The following FAM110B variants were observed in gnomAD, a reference collection of about 807,000 sequenced individuals.
The protein encoded by FAM110B is family with sequence similarity 110 member B.
Under a neutral mutation model 20.4 loss-of-function variants are expected in FAM110B, and 6 were observed. The ratio of observed to expected loss-of-function variants is 0.29; its 90% CI spans 0.16 to 0.58. The LOEUF (loss-of-function observed/expected upper bound fraction) is 0.58, where lower values mean the gene tolerates loss of function less well. Ranked by LOEUF, FAM110B falls within the 20% of genes least tolerant of loss-of-function variation. FAM110B has a pLI of 0.90. For missense variants in FAM110B, 434 were observed against 498.2 expected (o/e 0.87, Z 1.23); for synonymous variants, 226 against 214.1 (o/e 1.06, Z -0.49).
At chr8:58,143,672 T>G (rs1463212481) in intron 3 of FAM110B, among the ~76,000 whole-genome samples, 2 of 152,224 alleles carry the variant, frequency 1.3e-5, no homozygotes, top group East Asian at 3.9e-4. Flanking sequence ...TCCTCACTCT[T>G]GTGAATCGAC....
intron 3 of FAM110B, among the ~76,000 whole-genome samples, chr8:58,089,348 C>G (rs1042275541): frequency 3.9e-5 from 6 of 152,168 alleles, no homozygotes; most frequent in Non-Finnish European, 8.8e-5. Context: ...GTGCTTAAAA[C>G]AAATGGTGTC....
intron 2 of FAM110B, among the ~76,000 whole-genome samples, chr8:58,055,581 G>C (rs991853323): frequency 7.2e-5 from 11 of 152,188 alleles, no homozygotes; most frequent in African/African-American, 2.4e-4. Flanking sequence ...GTTTTTCAAA[G>C]CATGGCATTC....
intron 1 of FAM110B, among the ~76,000 whole-genome samples, chr8:58,017,666 A>T (rs1444294509): frequency 6.6e-6 from 1 of 152,252 alleles, no homozygotes; most frequent in African/African-American, 2.4e-5. Flanking sequence ...CTCTTAGAAG[A>T]TGTTTTCAAA....
chr8:58,016,434 A>T (rs1430297258), intron 1 of FAM110B, among the ~76,000 whole-genome samples: 1 of 152,180 alleles, frequency 6.6e-6, no homozygotes, highest in South Asian at 2.1e-4. Context: ...CAGAGCCTGG[A>T]GGCTCCAGCA....
At chr8:58,144,212 C>T (rs1803804791) in intron 3 of FAM110B, among the ~76,000 whole-genome samples, 1 of 152,100 alleles carries the variant, frequency 6.6e-6, no homozygotes, top group South Asian at 2.1e-4. Context: ...TCAGCCCTCT[C>T]CCAAGGGTCC....
intron 2 of FAM110B, among the ~76,000 whole-genome samples, chr8:58,053,459 T>A (rs1359956661): frequency 1.1e-4 from 16 of 152,034 alleles, no homozygotes; most frequent in Admixed American, 1.0e-3. Flanking sequence ...TGTGGTGGGG[T>A]CACGTTTAGG....
chr8:58,025,981 T>C (rs943708320), intron 1 of FAM110B, among the ~76,000 whole-genome samples: 2 of 152,188 alleles, frequency 1.3e-5, no homozygotes, highest in African/African-American at 4.8e-5. Context: ...TCATGCATCA[T>C]CTTAGGGACT....
At chr8:58,110,516 T>C (rs1416909724) in intron 3 of FAM110B, among the ~76,000 whole-genome samples, 1 of 152,224 alleles carries the variant, frequency 6.6e-6, no homozygotes, top group Non-Finnish European at 1.5e-5. Context: ...TTATATATAG[T>C]GAAATCTAAT....
chr8:58,082,839 TTTTTTTTG>T (rs1806232400), intron 3 of FAM110B, among the ~76,000 whole-genome samples: 1 of 130,086 alleles, frequency 7.7e-6, no homozygotes, highest in African/African-American at 4.6e-5. Flanking sequence ...CCATTTTTGT[TTTTTTTTG>T]TTTTTTTTTT....
At chr8:58,005,880 A>G (rs769622595) in intron 1 of FAM110B, among the ~76,000 whole-genome samples, 50 of 152,238 alleles carry the variant, frequency 3.3e-4, no homozygotes, top group Admixed American at 3.3e-4. Flanking sequence ...ACTTGAAAAT[A>G]ACATTTTCTG....
intron 3 of FAM110B, among the ~76,000 whole-genome samples, chr8:58,133,205 G>GTTTTTTTTTTTT (rs59489059): frequency 7.1e-6 from 1 of 140,134 alleles, no homozygotes. Context: ...GCTCGATTTT[G>GTTTTTTTTTTTT]TTTTTTTTTT....
At chr8:58,131,202 C>G (rs866356097) in intron 3 of FAM110B, among the ~76,000 whole-genome samples, 3 of 152,206 alleles carry the variant, frequency 2.0e-5, no homozygotes, top group Non-Finnish European at 4.4e-5. Context: ...TCCCCCTGTT[C>G]TCAGCATTAG....
chr8:58,021,156 C>G (rs1233855777), intron 1 of FAM110B, among the ~76,000 whole-genome samples: 4 of 152,174 alleles, frequency 2.6e-5, no homozygotes, highest in African/African-American at 9.7e-5. Flanking sequence ...AATGAGTTCT[C>G]TTGCCCCCGG....
intron 3 of FAM110B, among the ~76,000 whole-genome samples, chr8:58,094,609 G>T (rs559255417): frequency 1.3e-5 from 2 of 152,114 alleles, no homozygotes; most frequent in Non-Finnish European, 2.9e-5. Flanking sequence ...CTACCTGATC[G>T]TGATGGATAA....
chr8:57,995,285 C>T (rs1244168091), intron 1 of FAM110B, among the ~76,000 whole-genome samples: 1 of 152,182 alleles, frequency 6.6e-6, no homozygotes, highest in Non-Finnish European at 1.5e-5. Context: ...TCTCTAATCT[C>T]GGTGTTAAAT....
At chr8:58,123,206 T>C (rs1807407000) in intron 3 of FAM110B, among the ~76,000 whole-genome samples, 1 of 152,098 alleles carries the variant, frequency 6.6e-6, no homozygotes, top group African/African-American at 2.4e-5. Context: ...CTCACTGCCA[T>C]ATTAGGGTGG....
chr8:58,062,038 C>A (rs6999637), intron 2 of FAM110B, among the ~76,000 whole-genome samples: 3 of 152,086 alleles, frequency 2.0e-5, no homozygotes, highest in East Asian at 3.8e-4. Context: ...TTGAAGGACA[C>A]GATACATTTT....
At chr8:58,059,626 T>G (rs1585850700) in intron 2 of FAM110B, among the ~76,000 whole-genome samples, 2 of 146,118 alleles carry the variant, frequency 1.4e-5, no homozygotes, top group African/African-American at 2.5e-5. Context: ...TTTGTAGGAG[T>G]TTTTTTTTTT....
At chr8:58,107,222 G>A (rs540545119) in intron 3 of FAM110B, among the ~76,000 whole-genome samples, 11 of 152,272 alleles carry the variant, frequency 7.2e-5, no homozygotes, top group African/African-American at 2.4e-4. Context: ...ATTGATTACA[G>A]AACTTGACTT....
Sources: allele counts gnomAD v4.1 joint callset (sites outside exome capture counted in the v4.1 genomes callset), GRCh38; gene constraint gnomAD v4.1.1; transcripts MANE v1.5; gene names NCBI Gene and HGNC (gene_info 2026-07-23, HGNC 2026-07-21).